Variants in SIPA1L1 observed in about 807,000 individuals in gnomAD.
SIPA1L1 encodes signal-induced proliferation-associated 1-like protein 1.
In SIPA1L1, 26 loss-of-function variants were observed where a neutral mutation model predicts 162.7. The ratio of observed to expected loss-of-function variants is 0.16; its 90% confidence interval spans 0.12 to 0.22. The LOEUF (loss-of-function observed/expected upper bound fraction) is 0.22. SIPA1L1 is among the 10% of genes least tolerant of loss of function. The pLI, the probability that SIPA1L1 is intolerant of heterozygous loss-of-function variation, is 1.00. For synonymous variants in SIPA1L1, 829 were observed against 837.4 expected (o/e 0.99, Z 0.17); for missense variants, 1,874 against 2,241.0 (o/e 0.84, Z 3.31).
At chr14:71,419,924 G>A (rs2140544931) in intron 2 of SIPA1L1, among the ~76,000 whole-genome samples, 1 of 152,226 alleles carries the variant, frequency 6.6e-6, no homozygotes, top group East Asian at 1.9e-4. Context: ...GGAAGGCTGA[G>A]GTGGGAGGAT....
intron 2 of SIPA1L1, among the ~76,000 whole-genome samples, chr14:71,476,539 C>T (rs1272768567): frequency 6.6e-6 from 1 of 151,872 alleles, no homozygotes; most frequent in East Asian, 1.9e-4. Flanking sequence ...GTTTTCAGTA[C>T]CATATTTATG....
intron 2 of SIPA1L1, among the ~76,000 whole-genome samples, chr14:71,502,200 G>T (rs2050277109): frequency 7.3e-6 from 1 of 136,256 alleles, no homozygotes; most frequent in Admixed American, 7.6e-5. Context: ...GCTTTTATTT[G>T]GCTATTTTGG....
intron 8 of SIPA1L1, 150 bp from the exon 9 acceptor site, chr14:71,658,181 CAA>C (rs990999887): frequency 4.7e-4 from 215 of 460,240 alleles, no homozygotes; most frequent in Middle Eastern, 1.1e-3. Flanking sequence ...GGATCAAATA[CAA>C]AAAAAAAAAG....
chr14:71,728,559 ACCTGATTCACC>A (rs1324941765), intron 19 of SIPA1L1, among the ~76,000 whole-genome samples: 1 of 152,228 alleles, frequency 6.6e-6, no homozygotes, highest in East Asian at 1.9e-4. Flanking sequence ...GGTAGCCTGG[ACCTGATTCACC>A]CCTGGCTTGT....
rs528575517 is a variant in SIPA1L1 at position 71,468,051 on chromosome 14, T to C, written c.-464-44692T>C. The stretch of plus-strand genomic sequence containing the variant: ...GTGTGTGTGTGTGTGTGTGTGTCTG[T>C]CTGTGTCTGTCTGTCTGTTACAGGG... On this transcript the variant is annotated intron_variant, in intron 2 of 23. Transcript: ENST00000381232. 2.0e-3 allele frequency among the ~76,000 whole-genome samples: 303 copies of C among 151,256 alleles called. 6 individuals carry two copies. The highest frequency in any genetic ancestry group is 7.2e-4 in the Non-Finnish European group (49 of 67,670).
At chr14:71,584,857 T>A (rs762222119) in intron 4 of SIPA1L1, among the ~76,000 whole-genome samples, 7 of 152,216 alleles carry the variant, frequency 4.6e-5, no homozygotes, top group Admixed American at 2.0e-4. Context: ...ATTGCTCTTC[T>A]GTTTAATTCT....
chr14:71,664,822 G>A (rs1366381257), intron 10 of SIPA1L1, among the ~76,000 whole-genome samples: 3 of 152,052 alleles, frequency 2.0e-5, no homozygotes, highest in Admixed American at 1.3e-4. Context: ...TAATAGTGTG[G>A]AGAGGTGTGG....
intron 12 of SIPA1L1, among the ~76,000 whole-genome samples, chr14:71,678,756 A>G (rs1473255413): frequency 6.6e-6 from 1 of 150,694 alleles, no homozygotes; most frequent in East Asian, 2.0e-4. Flanking sequence ...TCGGCTGTGA[A>G]TCCGTCTGGT....
intron 7 of SIPA1L1, among the ~76,000 whole-genome samples, chr14:71,640,661 A>G (rs559271504): frequency 8.5e-5 from 13 of 152,056 alleles, no homozygotes; most frequent in South Asian, 4.2e-4. Context: ...GTCTCACACT[A>G]TTGCCCAGGC....
chr14:71,513,991 C>A (rs894739305), intron 3 of SIPA1L1, among the ~76,000 whole-genome samples: 1 of 152,106 alleles, frequency 6.6e-6, no homozygotes, highest in African/African-American at 2.4e-5. Context: ...TACGGGTCTG[C>A]AGCAACCTCA....
At chr14:71,610,076 A>T (rs2038028798) in intron 5 of SIPA1L1, among the ~76,000 whole-genome samples, 2 of 152,152 alleles carry the variant, frequency 1.3e-5, no homozygotes, top group Admixed American at 1.3e-4. Flanking sequence ...AGTAGGGGTG[A>T]GTGTAGTTAA....
At chr14:71,388,781 G>A (rs1286429042) in intron 2 of SIPA1L1, among the ~76,000 whole-genome samples, 5 of 152,148 alleles carry the variant, frequency 3.3e-5, no homozygotes, top group African/African-American at 1.2e-4. Context: ...TCTTAAAGCT[G>A]GCCAGATTTA....
intron 2 of SIPA1L1, among the ~76,000 whole-genome samples, chr14:71,495,084 T>C (rs2143016598): frequency 6.6e-6 from 1 of 152,304 alleles, no homozygotes; most frequent in South Asian, 2.1e-4. Flanking sequence ...GGAATATTGG[T>C]TCATTGTTTT....
At chr14:71,361,568 G>A (rs1473743486) in intron 2 of SIPA1L1, among the ~76,000 whole-genome samples, 3 of 152,146 alleles carry the variant, frequency 2.0e-5, no homozygotes, top group Non-Finnish European at 2.9e-5. Flanking sequence ...AAGTCATTAC[G>A]TAAGAACTTG....
intron 2 of SIPA1L1, among the ~76,000 whole-genome samples, chr14:71,386,750 C>T (rs1025986361): frequency 1.3e-5 from 2 of 152,160 alleles, no homozygotes; most frequent in African/African-American, 4.8e-5. Flanking sequence ...AGTTTAAAAT[C>T]ATTTTCAAAT....
chr14:71,365,729 T>A (rs1023426301), intron 2 of SIPA1L1, among the ~76,000 whole-genome samples: 2 of 151,300 alleles, frequency 1.3e-5, no homozygotes, highest in Non-Finnish European at 2.9e-5. Context: ...GGCTATTAAG[T>A]ATTTTTTTTT....
At chr14:71,336,347 C>G (rs1008306334) in intron 2 of SIPA1L1, among the ~76,000 whole-genome samples, 2 of 152,182 alleles carry the variant, frequency 1.3e-5, no homozygotes, top group Admixed American at 6.5e-5. Flanking sequence ...CAGTCACCCC[C>G]CATTTCTTTC....
At chr14:71,671,909 G>GTT (rs1441336174) in intron 11 of SIPA1L1, among the ~76,000 whole-genome samples, 1 of 138,388 alleles carries the variant, frequency 7.2e-6, no homozygotes, top group African/African-American at 2.6e-5. Context: ...CTCTGTGTGT[G>GTT]TGTGTGTGTG....
chr14:71,596,099 AG>A (rs2035994148), intron 5 of SIPA1L1, among the ~76,000 whole-genome samples: 2 of 152,216 alleles, frequency 1.3e-5, no homozygotes, highest in Non-Finnish European at 2.9e-5. Flanking sequence ...AGAGTAACTT[AG>A]GTCTGTGAAA....
Sources: gnomAD v4.1 joint callset for allele counts (sites outside exome capture counted in the v4.1 genomes callset) on GRCh38, gnomAD v4.1.1 for gene constraint, MANE v1.5 for transcripts, NCBI Gene and HGNC (gene_info 2026-07-23, HGNC 2026-07-21) for gene names.